The following CDK5RAP1 variants were observed in gnomAD, a reference collection of about 807,000 sequenced individuals.
The protein encoded by CDK5RAP1 is mitochondrial tRNA methylthiotransferase CDK5RAP1.
In CDK5RAP1, 62 loss-of-function variants were observed where a neutral mutation model predicts 64.5. The ratio of observed to expected loss-of-function variants is 0.96; its 90% CI spans 0.78 to 1.19. The LOEUF (loss-of-function observed/expected upper bound fraction) is 1.19, where lower values mean the gene tolerates loss of function less well. CDK5RAP1 is among the 50% of genes most tolerant of loss of function. CDK5RAP1 has a pLI of 0.00. For missense variants in CDK5RAP1, 657 were observed against 735.0 expected (o/e 0.89, Z 1.23); for synonymous variants, 250 against 261.9 (o/e 0.95, Z 0.44).
intron 1 of CDK5RAP1, among the ~76,000 whole-genome samples, chr20:33,397,485 C>T (rs942810637): frequency 6.6e-6 from 1 of 152,194 alleles, no homozygotes; most frequent in Admixed American, 6.5e-5. Flanking sequence ...TTGAGGAACT[C>T]ACCTAAGCTC....
rs149610709 is a variant in CDK5RAP1 at position 33,381,052 on chromosome 20, A to C, written c.877-1361T>G. On this transcript the variant is annotated intron_variant, in intron 7 of 13. Transcript: ENST00000346416. ...TTTCACAAATAATGGTTGCTAAAAA[A>C]GACTTGTTTTGTAACTTTGACATAA... Among the ~76,000 whole-genome samples, 798 of 152,346 alleles carry C rather than the reference A, an allele frequency of 5.2e-3. 8 individuals are homozygous for C. The highest frequency in any genetic ancestry group is 0.018 in the African/African-American group (752 of 41,584).
rs935553419 is a variant in CDK5RAP1, at chr20:33,365,199, T to C, written c.1542+1660A>G. On this transcript the variant is annotated intron_variant, in intron 12 of 13. Transcript: ENST00000346416. ...GCTTGAGCCACCATGCCCAGCAGTA[T>C]TGACATTTGTTGAGGCTGGTTAATA... is the stretch of plus-strand genomic sequence containing the variant. 8.5e-5 allele frequency among the ~76,000 whole-genome samples: 13 copies of C among 152,100 alleles called. 1 individual carries two copies. Among genetic ancestry groups the C allele is most frequent in the Admixed American group, 1.3e-4 (2 of 15,268 alleles).
rs148561082 is a variant in CDK5RAP1, at chr20:33,376,279, G to A, written c.1108-2067C>T. ...GCAGAGGTTGCAGTGAGCTGAGATC[G>A]CACCACCGCACTCCAGCCTGGGTGA... On this transcript the variant is annotated intron_variant, in intron 8 of 13. Coordinates refer to ENST00000346416, the MANE Select transcript of CDK5RAP1 (RefSeq NM_016408.4). Among the ~76,000 whole-genome samples the A allele has an allele frequency of 8.1e-3, 1,234 of 151,986 alleles. 22 individuals carry two copies. The highest frequency in any genetic ancestry group is 0.028 in the African/African-American group (1,175 of 41,428).
chr20:33,389,876 C>T (rs140721869), intron 5 of CDK5RAP1, among the ~76,000 whole-genome samples: 3,451 of 150,568 alleles, frequency 0.023, 239 homozygotes, highest in Admixed American at 0.15. Flanking sequence ...ATTCTTCTGC[C>T]TTGGGAAAAA....
In CDK5RAP1 at chr20:33,389,879, G is replaced by C. The variant is rs149675087; in HGVS notation, c.544+2263C>G. On this transcript the variant is annotated intron_variant, in intron 5 of 13. Transcript: ENST00000346416. ...GTACTAAGAAAAATTCTTCTGCCTT[G>C]GGAAAAAAAAATAATTTTTCAATGA... 9.8e-3 allele frequency among the ~76,000 whole-genome samples: 1,482 copies of C among 150,994 alleles called. 15 individuals are homozygous for C. Among genetic ancestry groups the C allele is most frequent in the African/African-American group, 0.033 (1,365 of 41,178 alleles).
At chr20:33,381,967 A>C (rs1472739378) in intron 7 of CDK5RAP1, among the ~76,000 whole-genome samples, 1 of 152,188 alleles carries the variant, frequency 6.6e-6, no homozygotes, top group Non-Finnish European at 1.5e-5. Context: ...GTCTGAAGAG[A>C]GTTAATAGTA....
intron 12 of CDK5RAP1, among the ~76,000 whole-genome samples, chr20:33,362,059 C>T (rs1365580172): frequency 2.0e-5 from 3 of 150,970 alleles, no homozygotes; most frequent in East Asian, 1.9e-4. Context: ...AATTCAAGTA[C>T]GGAAGTGGTG....
At position 33,401,466 on chromosome 20, in the gene CDK5RAP1, A is replaced by G; in HGVS notation, c.-59T>C. 1.0e-6 allele frequency: 1 copy of G among 985,444 alleles called. No homozygotes were observed. Among genetic ancestry groups the G allele is most frequent in the South Asian group, 4.7e-5 (1 of 21,290 alleles). The allele number at this position is 985,444 out of a possible 1,614,324, so 61.0% of individuals were successfully genotyped here. On this transcript the variant is annotated 5_prime_UTR_variant, in exon 1 of 14. Transcript: ENST00000346416. ...AACAGTGCCCGGGGTCCCGCAGCGTAAGTTCTGCCGGCAAGTCGGATCCCC... is the reference window on the plus strand; with the variant it reads ...AACAGTGCCCGGGGTCCCGCAGCGTGAGTTCTGCCGGCAAGTCGGATCCCC...
In CDK5RAP1 at chr20:33,395,057, T is replaced by G. The variant is rs748989918; in HGVS notation, c.364A>C (p.Ile122Leu). ...NVNDTEIAWS[I>L]LQKSGYLRTS... ...CGCAGGTAGCCACTCTTCTGTAAGA[T>G]GGACCAGGCTATCTCTGTGTCATTC... Residue 122 changes from isoleucine to leucine, a missense_variant, in exon 3 of 14, where the codon ATC becomes CTC. By Grantham distance (5) the Ile-to-Leu change is conservative (BLOSUM62 2). Transcript: ENST00000346416. 1.2e-6 allele frequency: 2 copies of G among 1,613,718 alleles called. No homozygotes were observed. The highest frequency in any genetic ancestry group is 1.7e-6 in the Non-Finnish European group (2 of 1,179,606).
At chr20:33,360,519 G>C in intron 12 of CDK5RAP1, 28 bp from the exon 13 acceptor site, 1 of 1,592,226 alleles carries the variant, frequency 6.3e-7, no homozygotes, top group Non-Finnish European at 8.5e-7. Context: ...AAGAGTTCGT[G>C]GATTTGTCAC....
intron 9 of CDK5RAP1, chr20:33,373,402 CCA>C (rs1048568164): frequency 3.3e-5 from 5 of 152,268 alleles, no homozygotes; most frequent in African/African-American, 4.8e-5. Flanking sequence ...AATCTGCCCA[CCA>C]CAGTCTCCCA....
At position 33,396,973 on chromosome 20, in the gene CDK5RAP1, C is replaced by T. The variant is rs1600815574; in HGVS notation, c.92G>A (p.Arg31Lys). Residue 31 changes from arginine (R) to lysine (K), a missense_variant, in exon 2 of 14, where the codon AGG becomes AAG. Coordinates refer to ENST00000346416, the MANE Select transcript of CDK5RAP1 (RefSeq NM_016408.4). ...SVSWLSLRMC[R>K]AHSSLSSTMC... ...GGTACTAGAGAGACTGCTGTGTGCC[C>T]TGCACATCCTCAGCGACAGCCAAGA... 1 of 1,614,158 alleles carries T rather than the reference C, an allele frequency of 6.2e-7. No homozygotes were observed. The highest frequency in any genetic ancestry group is 8.5e-7 in the Non-Finnish European group (1 of 1,180,006).
At chr20:33,375,904 C>G (rs929713430) in intron 8 of CDK5RAP1, among the ~76,000 whole-genome samples, 1 of 152,164 alleles carries the variant, frequency 6.6e-6, no homozygotes, top group East Asian at 1.9e-4. Flanking sequence ...CTCTATCACC[C>G]TCGCTAGAGT....
At chr20:33,387,195 G>C in intron 6 of CDK5RAP1, 128 bp downstream of exon 6, 1 of 679,828 alleles carries the variant, frequency 1.5e-6, no homozygotes, top group Non-Finnish European at 2.5e-6. Context: ...GGTCAAGGCT[G>C]CAGTGAGCCC....
Position 33,366,957 on chromosome 20 carries a change from A to G in CDK5RAP1, c.1444T>C (p.Leu482=), listed in dbSNP as rs185723586. 2.7e-5 allele frequency: 44 copies of G among 1,613,804 alleles called. No homozygotes were observed. The East Asian group carries it at 8.9e-4, about 33-fold the overall frequency. Residue 482 remains leucine (L), a synonymous_variant, in exon 12 of 14, where the codon TTA becomes CTA. Transcript: ENST00000346416. ...GTGATGAGTTCCTCCAAACGCCTTA[A>G]TTTTACCTCTTCCGGGACATCATCC... ...LKDDVPEEVK[L]RRLEELITIF...
intron 8 of CDK5RAP1, among the ~76,000 whole-genome samples, chr20:33,375,366 C>T (rs577848210): frequency 6.8e-5 from 10 of 147,492 alleles, no homozygotes; most frequent in Admixed American, 5.5e-4. Context: ...CACACCACTG[C>T]GCTCTAGCCT....
intron 1 of CDK5RAP1, among the ~76,000 whole-genome samples, chr20:33,399,742 T>G (rs1359454253): frequency 6.6e-6 from 1 of 152,196 alleles, no homozygotes; most frequent in Admixed American, 6.5e-5. Context: ...GCATGCAATC[T>G]TGAGCCAGTG....
intron 2 of CDK5RAP1, among the ~76,000 whole-genome samples, 179 bp downstream of exon 2, chr20:33,396,582 G>A (rs995668792): frequency 2.0e-5 from 3 of 152,104 alleles, no homozygotes; most frequent in African/African-American, 7.2e-5. Context: ...TTACAGGCAT[G>A]AGCCACCGTG....
At position 33,400,609 on chromosome 20, in the gene CDK5RAP1, A is replaced by T. The variant is rs949649617; in HGVS notation, c.-21+819T>A. On this transcript the variant is annotated intron_variant, in intron 1 of 13. Transcript: ENST00000346416. ...ACATTTACAGCCCACACCCCCTTTCACAGAGAGTATTAGAGCATCCTGGTT... is the reference window on the plus strand; with the variant it reads ...ACATTTACAGCCCACACCCCCTTTCTCAGAGAGTATTAGAGCATCCTGGTT... Among the ~76,000 whole-genome samples the T allele has an allele frequency of 2.0e-5, 3 of 152,086 alleles. No individual in the cohort carries two copies. The East Asian group carries it at 5.8e-4, about 29-fold the overall frequency.
Sources: allele counts gnomAD v4.1 joint callset (sites outside exome capture counted in the v4.1 genomes callset), GRCh38; gene constraint gnomAD v4.1.1; transcripts MANE v1.5; gene names NCBI Gene and HGNC (gene_info 2026-07-23, HGNC 2026-07-21).